The following SPATA6L variants were observed in gnomAD, a reference collection of about 807,000 sequenced individuals.
The protein encoded by SPATA6L is spermatogenesis associated 6 like.
A neutral mutation model predicts 49.2 loss-of-function variants in SPATA6L; 68 were observed. That is an observed-to-expected ratio of 1.38 (90% confidence interval 1.14 to 1.69). The LOEUF (loss-of-function observed/expected upper bound fraction) is 1.69, where lower values mean the gene tolerates loss of function less well. SPATA6L is among the 40% of genes most tolerant of loss of function. The pLI, the probability that SPATA6L is intolerant of heterozygous loss-of-function variation, is 0.00. For missense variants in SPATA6L, 668 were observed against 464.3 expected, an observed-to-expected ratio of 1.44 and a Z score of -4.03; for synonymous variants, 198 against 165.7, an observed-to-expected ratio of 1.19 and a Z score of -1.50.
At chr9:4,611,305 C>T (rs1564148272) in intron 9 of SPATA6L, among the ~76,000 whole-genome samples, 1 of 147,444 alleles carries the variant, frequency 6.8e-6, no homozygotes, top group Non-Finnish European at 1.5e-5. Flanking sequence ...TGGGTATATA[C>T]CCAAAGGACT....
At chr9:4,597,404 T>C (rs1317948445), downstream of SPATA6L, among the ~76,000 whole-genome samples, 2 of 150,616 alleles carry the variant, frequency 1.3e-5, no homozygotes, top group Non-Finnish European at 2.9e-5. Context: ...GCGGAGCTAA[T>C]GGATCACTCT....
intron 3 of SPATA6L, chr9:4,646,669 A>C: frequency 2.4e-6 from 1 of 414,856 alleles, no homozygotes. Flanking sequence ...CCAAACCAAC[A>C]TCAAATCAGG....
At chr9:4,636,014 G>T (rs1832739292) in intron 3 of SPATA6L, among the ~76,000 whole-genome samples, 1 of 152,140 alleles carries the variant, frequency 6.6e-6, no homozygotes, top group Non-Finnish European at 1.5e-5. Flanking sequence ...AAACATTCTT[G>T]CAGGCTAAAA....
chr9:4,605,464 G>A (rs1299084066), intron 9 of SPATA6L, 24 bp from the exon 10 acceptor site: 6 of 1,551,966 alleles, frequency 3.9e-6, no homozygotes, highest in South Asian at 2.2e-5. Flanking sequence ...GGAACAGGGT[G>A]GAATATTAAG....
At position 4,628,150 on chromosome 9, in the gene SPATA6L, A is replaced by C. The variant is rs538221861; in HGVS notation, c.429+941T>G. 5 of 172,840 alleles carry C rather than the reference A, an allele frequency of 2.9e-5. No individual in the cohort carries two copies. The Admixed American group carries it at 2.9e-4, about 10-fold the overall frequency. 10.7% of individuals were successfully genotyped at this position (172,840 alleles called of 1,614,324 possible). A position where few individuals can be genotyped will look rare whatever the true frequency, so the allele number is the denominator to read the frequency against. On this transcript the variant is annotated intron_variant, in intron 5 of 11. Transcript: ENST00000682582. ...GGAGTGGGGATGGTTAAAGGGCACA[A>C]AAAAAAAATACAAAGAATGAATAAG...
At chr9:4,609,798 C>A (rs1826221745) in intron 9 of SPATA6L, among the ~76,000 whole-genome samples, 1 of 151,290 alleles carries the variant, frequency 6.6e-6, no homozygotes, top group Non-Finnish European at 1.5e-5. Flanking sequence ...CTGGCCAGGG[C>A]AATTAGGCAG....
At chr9:4,650,824 TTG>T (rs59184426) in intron 3 of SPATA6L, among the ~76,000 whole-genome samples, 22,503 of 135,698 alleles carry the variant, frequency 0.17, 1,837 homozygotes, top group Non-Finnish European at 0.21. Flanking sequence ...CAAACCCAGC[TTG>T]TGTGTGTGTG....
chr9:4,605,936 G>T (rs1026080867), intron 9 of SPATA6L, among the ~76,000 whole-genome samples: 3 of 152,152 alleles, frequency 2.0e-5, no homozygotes, highest in Admixed American at 6.5e-5. Context: ...GACAGTGGGC[G>T]CAGGCCAGTG....
chr9:4,602,441 C>A (rs1016996098), intron 11 of SPATA6L, among the ~76,000 whole-genome samples: 61 of 152,150 alleles, frequency 4.0e-4, no homozygotes, highest in African/African-American at 1.4e-3. Context: ...TTCCTCTGTG[C>A]TAAAGGTGGG....
chr9:4,605,552 G>C, intron 9 of SPATA6L, 112 bp from the exon 10 acceptor site: 1 of 692,926 alleles, frequency 1.4e-6, no homozygotes, highest in South Asian at 1.9e-5. Flanking sequence ...AAAAACAGCA[G>C]CATGCAAAAT....
chr9:4,598,916 C>T lies in SPATA6L; in HGVS notation c.*1895G>A, dbSNP rs1417516715. Among the ~76,000 whole-genome samples the T allele has an allele frequency of 6.6e-6, 1 of 152,204 alleles. No individual in the cohort carries two copies. The highest frequency in any genetic ancestry group is 1.5e-5 in the Non-Finnish European group (1 of 68,036). ...CCAAGGTGGAATGCTGGTTGTGATA[C>T]AGGTTGAGTCTCCCTTATCTTCAGT... is the stretch of plus-strand genomic sequence containing the variant. On this transcript the variant is annotated 3_prime_UTR_variant, in exon 12 of 12. Coordinates refer to ENST00000682582, the MANE Select transcript of SPATA6L (RefSeq NM_001353486.2).
At position 4,599,588 on chromosome 9, in the gene SPATA6L, T is replaced by A. The variant is rs1822743357; in HGVS notation, c.*1223A>T. On this transcript the variant is annotated 3_prime_UTR_variant, in exon 12 of 12. Transcript: ENST00000682582. ...ATTCATTTCTCACAGTTCTGGAAGC[T>A]GGGAAGTCCAAGATCAGAATGTTGG... Among the ~76,000 whole-genome samples the A allele has an allele frequency of 6.6e-6, 1 of 152,214 alleles. No homozygotes were observed. Among genetic ancestry groups the A allele is most frequent in the Non-Finnish European group, 1.5e-5 (1 of 68,034 alleles).
At chr9:4,644,031 G>C (rs1437017439) in intron 3 of SPATA6L, among the ~76,000 whole-genome samples, 1 of 151,362 alleles carries the variant, frequency 6.6e-6, no homozygotes, top group Non-Finnish European at 1.5e-5. Flanking sequence ...GAAAAAAAAA[G>C]ATGTAGATTT....
intron 4 of SPATA6L, among the ~76,000 whole-genome samples, chr9:4,629,769 G>GTGTATATATATATATATATATA (rs1311805859): frequency 8.8e-5 from 9 of 101,932 alleles, no homozygotes; most frequent in East Asian, 3.2e-4. Context: ...GTGTGTGTGT[G>GTGTATATATATATATATATATA]TATATATATA....
chr9:4,603,790 G>GA, intron 11 of SPATA6L, among the ~76,000 whole-genome samples: 1 of 152,116 alleles, frequency 6.6e-6, no homozygotes. Context: ...TCGTGTCATA[G>GA]AAAATCATAA....
downstream of SPATA6L, among the ~76,000 whole-genome samples, chr9:4,596,249 A>G (rs1822246872): frequency 6.6e-6 from 1 of 152,170 alleles, no homozygotes; most frequent in African/African-American, 2.4e-5. Flanking sequence ...GAGCACACAG[A>G]AGGAGTTTAA....
chr9:4,637,473 T>C (rs12352848), intron 3 of SPATA6L, among the ~76,000 whole-genome samples: 3 of 152,200 alleles, frequency 2.0e-5, no homozygotes, highest in South Asian at 2.1e-4. Context: ...CAAGGCTCCA[T>C]GAAAACAGTG....
chr9:4,657,688 T>G (rs428111), intron 2 of SPATA6L, among the ~76,000 whole-genome samples: 2 of 151,932 alleles, frequency 1.3e-5, no homozygotes, highest in African/African-American at 4.8e-5. Context: ...CTTTTACAGG[T>G]TGACATGAAA....
downstream of SPATA6L, among the ~76,000 whole-genome samples, chr9:4,596,714 T>C (rs1306709797): frequency 1.3e-5 from 2 of 152,326 alleles, no homozygotes; most frequent in South Asian, 4.1e-4. Context: ...GTTGCTCTGT[T>C]ATTCTGAAAT....
Sources: allele counts gnomAD v4.1 joint callset (sites outside exome capture counted in the v4.1 genomes callset), GRCh38; gene constraint gnomAD v4.1.1; transcripts MANE v1.5; gene names NCBI Gene and HGNC (gene_info 2026-07-23, HGNC 2026-07-21).